The following FAM120A variants were observed in gnomAD, a reference collection of about 807,000 sequenced individuals.
FAM120A encodes the protein constitutive coactivator of PPAR-gamma-like protein 1.
FAM120A carries 15 observed loss-of-function variants against 109.7 expected under a neutral mutation model. The ratio of observed to expected loss-of-function variants is 0.14; its 90% confidence interval spans 0.09 to 0.21. FAM120A has a LOEUF of 0.21. FAM120A is among the 10% of genes least tolerant of loss of function. The probability of loss-of-function intolerance (pLI) is 1.00; values close to 1 mark genes in which losing one functional copy is unlikely to be tolerated. For missense variants in FAM120A, 899 were observed against 1,439.3 expected (o/e 0.62, Z 6.07); for synonymous variants, 493 against 572.8 (o/e 0.86, Z 1.99).
intron 15 of FAM120A, among the ~76,000 whole-genome samples, chr9:93,560,157 T>C (rs1378734478): frequency 6.6e-6 from 1 of 152,068 alleles, no homozygotes; most frequent in Admixed American, 6.6e-5. Flanking sequence ...TAGCCAGGTA[T>C]GGTGGTGCAC....
chr9:93,478,154 AT>A (rs200652914), intron 3 of FAM120A, among the ~76,000 whole-genome samples: 7,330 of 152,166 alleles, frequency 0.048, 234 homozygotes, highest in Non-Finnish European at 0.071. Flanking sequence ...CATCAACTAA[AT>A]TAATAATTCT....
chr9:93,453,514 A>G, intron 1 of FAM120A: 5 of 985,378 alleles, frequency 5.1e-6, no homozygotes, highest in Non-Finnish European at 6.0e-6. Flanking sequence ...GCTGGAGCTG[A>G]AAGTTTGTGA....
At position 93,451,801 on chromosome 9, in the gene FAM120A, A is replaced by G; in HGVS notation, c.-115A>G. The stretch of plus-strand genomic sequence containing the variant: ...CATGAGCGCGCCCCCGACCCGCCCC[A>G]GTCCCCCCTAGAGGCCGCCGCCCCC... On this transcript the variant is annotated 5_prime_UTR_variant, in exon 1 of 18. Transcript: ENST00000277165. The G allele has an allele frequency of 4.4e-5, 26 of 589,774 alleles. No homozygotes were observed. The highest frequency in any genetic ancestry group is 7.2e-5 in the African/African-American group (1 of 13,862). The allele number at this position is 589,774 out of a possible 1,614,324, so 36.5% of individuals were successfully genotyped here.
At chr9:93,531,367 GTT>G (rs1861324444) in intron 9 of FAM120A, 2 of 152,182 alleles carry the variant, frequency 1.3e-5, no homozygotes, top group South Asian at 4.1e-4. Flanking sequence ...TAAATGCATT[GTT>G]GTGCTCTGAG....
chr9:93,467,817 T>C (rs1444143279), intron 1 of FAM120A, among the ~76,000 whole-genome samples: 2 of 152,326 alleles, frequency 1.3e-5, no homozygotes, highest in South Asian at 2.1e-4. Flanking sequence ...AATTCTGTTA[T>C]GGGTGGAGGA....
intron 12 of FAM120A, among the ~76,000 whole-genome samples, chr9:93,552,874 T>G (rs1862151743): frequency 1.3e-5 from 2 of 152,204 alleles, no homozygotes; most frequent in South Asian, 4.1e-4. Context: ...CAGACCCTGT[T>G]TCTCTTCTCC....
At chr9:93,458,454 C>T (rs1857650856) in intron 1 of FAM120A, among the ~76,000 whole-genome samples, 1 of 152,078 alleles carries the variant, frequency 6.6e-6, no homozygotes, top group Admixed American at 6.6e-5. Flanking sequence ...AGCATCCCAT[C>T]CTCCCAGTCC....
chr9:93,469,927 A>G (rs1858234993), intron 1 of FAM120A, among the ~76,000 whole-genome samples: 1 of 152,204 alleles, frequency 6.6e-6, no homozygotes, highest in Non-Finnish European at 1.5e-5. Flanking sequence ...GGTCCATTCT[A>G]CAGTGATGTC....
In FAM120A at chr9:93,556,571, A is replaced by G. The variant is rs750287042; in HGVS notation, c.2464A>G (p.Ile822Val). Residue 822 changes from isoleucine to valine, a missense_variant, in exon 13 of 18, where the codon ATT (isoleucine) becomes GTT (valine). By Grantham distance (29) the Ile-to-Val change is conservative (BLOSUM62 3). Transcript: ENST00000277165. ...AGCCAGCCGGGAAAAGACCCCACTCATTGACCTCTGTGATGGTCAGGTATG... is the reference window on the plus strand; with the variant it reads ...AGCCAGCCGGGAAAAGACCCCACTCGTTGACCTCTGTGATGGTCAGGTATG... ...LKASREKTPLIDLCDGQADQA... is the reference protein window; with the variant it reads ...LKASREKTPLVDLCDGQADQA... 6.2e-7 allele frequency: 1 copy of G among 1,614,214 alleles called. No homozygotes were observed. The highest frequency in any genetic ancestry group is 1.1e-5 in the South Asian group (1 of 91,078).
chr9:93,519,147 C>T (rs574855868), intron 7 of FAM120A, among the ~76,000 whole-genome samples: 2 of 152,162 alleles, frequency 1.3e-5, no homozygotes, highest in South Asian at 2.1e-4. Flanking sequence ...AGTGGGTCTC[C>T]GGACAGTCAG....
chr9:93,559,444 G>C (rs1564362229), intron 15 of FAM120A, among the ~76,000 whole-genome samples: 2 of 152,246 alleles, frequency 1.3e-5, no homozygotes, highest in Admixed American at 6.5e-5. Flanking sequence ...TTTCTCTCTT[G>C]ATCAACAATG....
At chr9:93,543,699 A>G (rs543851804) in intron 11 of FAM120A, among the ~76,000 whole-genome samples, 1 of 152,356 alleles carries the variant, frequency 6.6e-6, no homozygotes, top group African/African-American at 2.4e-5. Flanking sequence ...TTTTGTAAGC[A>G]TGTATGGTAT....
chr9:93,532,209 C>G lies in FAM120A; in HGVS notation c.1789C>G (p.Pro597Ala). The G allele has an allele frequency of 6.2e-7, 1 of 1,614,242 alleles. No individual in the cohort carries two copies. The highest frequency in any genetic ancestry group is 8.5e-7 in the Non-Finnish European group (1 of 1,180,028). ...AGATGAAGCCAACAAGGACCTGCCT[C>G]CGGCCGCTCTGCTCTATAGGCCAGT... Reference protein sequence around the residue: ...IEDEANKDLPPAALLYRPVRQ... With the variant: ...IEDEANKDLPAAALLYRPVRQ... Residue 597 changes from proline (P) to alanine (A), a missense_variant, in exon 10 of 18, where the codon CCG becomes GCG. By Grantham distance (27) the Pro-to-Ala change is conservative (BLOSUM62 -1). Transcript: ENST00000277165. This position sits in a 1 kb window ranked among gnomAD's most constrained non-coding sequence, Gnocchi z 4.3.
chr9:93,499,910 T>C (rs915673403), intron 5 of FAM120A, among the ~76,000 whole-genome samples: 1 of 152,228 alleles, frequency 6.6e-6, no homozygotes, highest in Non-Finnish European at 1.5e-5. Flanking sequence ...GTCTGCTGTA[T>C]GCTAGGAACT....
chr9:93,529,213 G>T, intron 8 of FAM120A, 140 bp from the exon 9 acceptor site: 1 of 667,128 alleles, frequency 1.5e-6, no homozygotes, highest in Non-Finnish European at 2.4e-6. Flanking sequence ...CTTTAGGGTG[G>T]CACCAAATCT....
chr9:93,505,841 A>G (rs1860028540), intron 5 of FAM120A, among the ~76,000 whole-genome samples: 1 of 152,238 alleles, frequency 6.6e-6, no homozygotes, highest in African/African-American at 2.4e-5. Context: ...GTCTTCTAAA[A>G]GTTTTATTTA....
At position 93,452,805 on chromosome 9, in the gene FAM120A, T is replaced by C. The variant is rs1298440514; in HGVS notation, c.474+416T>C. The C allele has an allele frequency of 6.3e-6, 10 of 1,586,180 alleles. No homozygotes were observed. The highest frequency in any genetic ancestry group is 7.7e-6 in the Non-Finnish European group (9 of 1,174,542). On this transcript the variant is annotated intron_variant, in intron 1 of 17. Transcript: ENST00000277165. This position sits in a 1 kb window ranked among gnomAD's most constrained non-coding sequence, Gnocchi z 7.0. ...GTTCTTTCCCAGCAACAGGTTCATC[T>C]TGGAAGCAGGCAGGATACAGAGTAA... is the stretch of plus-strand genomic sequence containing the variant.
At chr9:93,547,228 G>T (rs1008895690) in intron 11 of FAM120A, among the ~76,000 whole-genome samples, 5 of 152,216 alleles carry the variant, frequency 3.3e-5, no homozygotes, top group Admixed American at 1.3e-4. Flanking sequence ...TTATGTTCTT[G>T]TAGGAGCAAT....
intron 9 of FAM120A, chr9:93,531,403 A>G (rs538868646): frequency 6.6e-6 from 1 of 152,378 alleles, no homozygotes; most frequent in South Asian, 2.1e-4. Flanking sequence ...AATTTGTTGC[A>G]TGATATCTTG....
Sources: allele counts gnomAD v4.1 joint callset (sites outside exome capture counted in the v4.1 genomes callset), GRCh38; gene constraint gnomAD v4.1.1; non-coding constraint Gnocchi (gnomAD v3.1); transcripts MANE v1.5; gene names NCBI Gene and HGNC (gene_info 2026-07-23, HGNC 2026-07-21).